LINGO2: variants seen among roughly 807,000 people sequenced by gnomAD.
The protein encoded by LINGO2 is leucine rich repeat and Ig domain containing 2.
Under a neutral mutation model 30.6 loss-of-function variants are expected in LINGO2, and 14 were observed. That is an observed-to-expected ratio of 0.46 (90% CI 0.30 to 0.72). The LOEUF is 0.72. LINGO2 is among the 30% of genes least tolerant of loss of function. LINGO2 has a pLI of 0.07. For synonymous variants in LINGO2, 317 were observed against 288.5 expected (o/e 1.10, Z -1.00); for missense variants, 729 against 751.7 (o/e 0.97, Z 0.35).
At chr9:28,694,014 T>C in the LINGO2 span, among the ~76,000 whole-genome samples, 2 of 151,874 alleles carry the variant, frequency 1.3e-5, no homozygotes, top group African/African-American at 4.8e-5. Context: ...TTGAGCATGA[T>C]ATCAGCTGGT....
At chr9:28,937,301 T>C in the LINGO2 span, among the ~76,000 whole-genome samples, 4 of 152,092 alleles carry the variant, frequency 2.6e-5, no homozygotes, top group South Asian at 2.1e-4. Context: ...GAGGCAGCAT[T>C]TGAAATTTGT....
intron 4 of LINGO2, among the ~76,000 whole-genome samples, chr9:28,199,591 G>T (rs1820153737): frequency 6.6e-6 from 1 of 151,988 alleles, no homozygotes; most frequent in African/African-American, 2.4e-5. Context: ...GCCTGCCTCG[G>T]CCCCCCAAAG....
the LINGO2 span, among the ~76,000 whole-genome samples, chr9:29,122,908 C>A: frequency 1.3e-5 from 2 of 152,070 alleles, no homozygotes; most frequent in South Asian, 4.1e-4. Flanking sequence ...TCAGTAATAG[C>A]CCAGTGTGTC....
At chr9:28,948,928 T>C in the LINGO2 span, among the ~76,000 whole-genome samples, 2 of 151,904 alleles carry the variant, frequency 1.3e-5, no homozygotes, top group Non-Finnish European at 2.9e-5. Flanking sequence ...TCCTAAAAGT[T>C]AGATATGCAA....
At chr9:28,079,839 A>G (rs769225178) in intron 4 of LINGO2, among the ~76,000 whole-genome samples, 18 of 152,198 alleles carry the variant, frequency 1.2e-4, no homozygotes, top group Non-Finnish European at 2.4e-4. Flanking sequence ...TGTCACATCA[A>G]ATATAACATA....
chr9:28,368,357 C>T (rs1475105493), intron 3 of LINGO2, among the ~76,000 whole-genome samples: 2 of 152,118 alleles, frequency 1.3e-5, no homozygotes, highest in Non-Finnish European at 2.9e-5. Flanking sequence ...GAACTTTTTG[C>T]TGGGAGAAAA....
chr9:28,682,196 T>C, the LINGO2 span, among the ~76,000 whole-genome samples: 2 of 152,198 alleles, frequency 1.3e-5, no homozygotes, highest in Non-Finnish European at 2.9e-5. Context: ...TATCAGTCTC[T>C]TTCAATGACA....
exon 6 of LINGO2, chr9:27,949,469 A>G (rs756497213): frequency 1.2e-6 from 2 of 1,614,014 alleles, no homozygotes; most frequent in African/African-American, 2.7e-5. Context: ...AGTAAAAAGA[A>G]AGGGCAGTGC....
At chr9:28,746,633 TTA>T in the LINGO2 span, among the ~76,000 whole-genome samples, 1 of 152,048 alleles carries the variant, frequency 6.6e-6, no homozygotes, top group Non-Finnish European at 1.5e-5. Context: ...GTTTCAGCTT[TTA>T]TGTCTATAAA....
the LINGO2 span, among the ~76,000 whole-genome samples, chr9:29,141,289 G>A: frequency 6.6e-6 from 1 of 151,762 alleles, no homozygotes. Context: ...AACATGAAGG[G>A]GGCTGAAACA....
At chr9:28,285,579 G>A (rs977260311) in intron 4 of LINGO2, among the ~76,000 whole-genome samples, 48 of 151,628 alleles carry the variant, frequency 3.2e-4, no homozygotes, top group Non-Finnish European at 5.6e-4. Context: ...CTAATTTTTT[G>A]TATTTTTAGT....
intron 2 of LINGO2, among the ~76,000 whole-genome samples, chr9:28,433,949 C>CTCTA (rs1225323260): frequency 2.3e-5 from 2 of 88,472 alleles, no homozygotes; most frequent in African/African-American, 9.0e-5. Flanking sequence ...CTCTCTCTCT[C>CTCTA]TATATATATA....
At chr9:28,467,206 T>G (rs1046730617) in intron 2 of LINGO2, among the ~76,000 whole-genome samples, 1 of 152,038 alleles carries the variant, frequency 6.6e-6, no homozygotes, top group African/African-American at 2.4e-5. Context: ...TTTGTATTTT[T>G]AGTAGAGATG....
At chr9:28,101,143 T>C (rs1467279826) in intron 4 of LINGO2, among the ~76,000 whole-genome samples, 1 of 152,066 alleles carries the variant, frequency 6.6e-6, no homozygotes, top group Non-Finnish European at 1.5e-5. Context: ...ACTAAAGCTA[T>C]GAGACAAAGA....
the LINGO2 span, among the ~76,000 whole-genome samples, chr9:28,964,132 A>G: frequency 6.6e-6 from 1 of 151,974 alleles, no homozygotes; most frequent in African/African-American, 2.4e-5. Context: ...ACACACATAC[A>G]TATACATATT....
At chr9:28,865,013 G>A in the LINGO2 span, among the ~76,000 whole-genome samples, 8 of 152,148 alleles carry the variant, frequency 5.3e-5, no homozygotes, top group South Asian at 2.1e-4. Context: ...TGCTAAGAGC[G>A]TTGATTACAG....
the LINGO2 span, among the ~76,000 whole-genome samples, chr9:29,156,157 C>G: frequency 6.6e-6 from 1 of 152,088 alleles, no homozygotes; most frequent in African/African-American, 2.4e-5. Flanking sequence ...GAGTTAACTA[C>G]TATAAAACAT....
chr9:28,840,623 T>A, the LINGO2 span, among the ~76,000 whole-genome samples: 7 of 151,988 alleles, frequency 4.6e-5, no homozygotes, highest in East Asian at 1.3e-3. Flanking sequence ...GGACACAATG[T>A]TAGGAACTTA....
chr9:29,083,738 A>T, the LINGO2 span, among the ~76,000 whole-genome samples: 2 of 152,096 alleles, frequency 1.3e-5, no homozygotes, highest in Admixed American at 6.6e-5. Context: ...TTAAACAGAA[A>T]TTGTGCTTTG....
Sources: gnomAD v4.1 joint callset for allele counts (sites outside exome capture counted in the v4.1 genomes callset) on GRCh38, gnomAD v4.1.1 for gene constraint, MANE v1.5 for transcripts, NCBI Gene and HGNC (gene_info 2026-07-23, HGNC 2026-07-21) for gene names.